RBFOX1: variants seen among roughly 807,000 people sequenced by gnomAD.
RBFOX1 encodes RNA binding protein fox-1 homolog 1.
A neutral mutation model predicts 57.7 loss-of-function variants in RBFOX1; 8 were observed. The ratio of observed to expected loss-of-function variants is 0.14; its 90% confidence interval spans 0.08 to 0.25. The LOEUF is 0.25. Among genes scored for constraint, RBFOX1 ranks in the 10% least tolerant of loss-of-function variants. The pLI, the probability that RBFOX1 is intolerant of heterozygous loss-of-function variation, is 1.00. For synonymous variants in RBFOX1, 326 were observed against 222.4 expected, an observed-to-expected ratio of 1.47 and a Z score of -4.15; for missense variants, 611 against 548.5, an observed-to-expected ratio of 1.11 and a Z score of -1.14.
intron 4 of RBFOX1, among the ~76,000 whole-genome samples, chr16:7,347,878 T>A (rs532640858): frequency 6.6e-6 from 1 of 152,234 alleles, no homozygotes; most frequent in East Asian, 1.9e-4. Flanking sequence ...GAGACAGGCG[T>A]CTTGCAGGGT....
At chr16:7,079,052 G>T (rs930920471) in intron 4 of RBFOX1, among the ~76,000 whole-genome samples, 1 of 151,532 alleles carries the variant, frequency 6.6e-6, no homozygotes, top group Admixed American at 6.6e-5. Context: ...GGGAAACATG[G>T]TTCAACTCAT....
intron 2 of RBFOX1, among the ~76,000 whole-genome samples, chr16:5,485,545 C>A (rs2069703975): frequency 6.6e-6 from 1 of 152,078 alleles, no homozygotes; most frequent in Non-Finnish European, 1.5e-5. Context: ...TGCCAAGTAC[C>A]ACAATTAGGG....
chr16:7,162,407 C>G (rs1401410225), intron 4 of RBFOX1, among the ~76,000 whole-genome samples: 1 of 151,900 alleles, frequency 6.6e-6, no homozygotes, highest in South Asian at 2.1e-4. Context: ...TTTTATGATG[C>G]TCCATTGTGC....
At chr16:7,413,729 G>A (rs1341274198) in intron 4 of RBFOX1, among the ~76,000 whole-genome samples, 2 of 152,030 alleles carry the variant, frequency 1.3e-5, no homozygotes, top group African/African-American at 2.4e-5. Context: ...ACAAGCAAAG[G>A]GGGTTACTTG....
intron 3 of RBFOX1, among the ~76,000 whole-genome samples, chr16:5,830,673 C>A (rs531658370): frequency 6.6e-6 from 1 of 152,310 alleles, no homozygotes; most frequent in South Asian, 2.1e-4. Context: ...CAGATCAAAT[C>A]ATGTCAGTGT....
chr16:6,341,072 A>C (rs374394901), intron 2 of RBFOX1, among the ~76,000 whole-genome samples: 1 of 152,296 alleles, frequency 6.6e-6, no homozygotes, highest in East Asian at 1.9e-4. Flanking sequence ...ATGCTGCATC[A>C]AATGATCACA....
At chr16:7,320,821 G>A (rs970023841) in intron 4 of RBFOX1, among the ~76,000 whole-genome samples, 9 of 152,152 alleles carry the variant, frequency 5.9e-5, no homozygotes, top group Non-Finnish European at 7.3e-5. Flanking sequence ...TAGAGCAACC[G>A]CACAACAACC....
intron 3 of RBFOX1, among the ~76,000 whole-genome samples, chr16:5,664,539 C>A (rs2049769234): frequency 6.6e-6 from 1 of 151,776 alleles, no homozygotes; most frequent in Non-Finnish European, 1.5e-5. Context: ...GAGCGAGACT[C>A]CTTCTTAAAA....
intron 1 of RBFOX1, among the ~76,000 whole-genome samples, chr16:5,345,497 T>C (rs1337762827): frequency 1.3e-5 from 2 of 152,232 alleles, no homozygotes; most frequent in Non-Finnish European, 2.9e-5. Context: ...AGGCAGATCT[T>C]AGCAGCCCCC....
At chr16:6,519,443 G>C (rs1233423767) in intron 2 of RBFOX1, among the ~76,000 whole-genome samples, 1 of 152,176 alleles carries the variant, frequency 6.6e-6, no homozygotes, top group African/African-American at 2.4e-5. Context: ...GCTCATGGCT[G>C]TAATCCCAGC....
chr16:5,953,097 C>T (rs1004939695), intron 4 of RBFOX1, among the ~76,000 whole-genome samples: 58 of 117,844 alleles, frequency 4.9e-4, no homozygotes, highest in African/African-American at 1.7e-3. Context: ...TCTGTAGATT[C>T]TGTGTCAATT....
At chr16:7,470,263 C>G (rs1337247954) in intron 4 of RBFOX1, among the ~76,000 whole-genome samples, 5 of 152,218 alleles carry the variant, frequency 3.3e-5, no homozygotes, top group Non-Finnish European at 7.3e-5. Context: ...TCACACTAGA[C>G]TTCCACATCC....
chr16:6,955,079 A>AC (rs559613172), intron 3 of RBFOX1, among the ~76,000 whole-genome samples: 23,914 of 140,098 alleles, frequency 0.17, 2,330 homozygotes, highest in East Asian at 0.29. Context: ...AAAAAAAAAA[A>AC]ACACACAAAA....
At chr16:7,511,347 A>G (rs888802351) in intron 4 of RBFOX1, among the ~76,000 whole-genome samples, 9 of 152,074 alleles carry the variant, frequency 5.9e-5, no homozygotes, top group African/African-American at 1.2e-4. Context: ...GAGAAGGGCA[A>G]TGTCTTGGGG....
At chr16:7,117,061 G>A (rs2066063207) in intron 4 of RBFOX1, among the ~76,000 whole-genome samples, 1 of 152,116 alleles carries the variant, frequency 6.6e-6, no homozygotes, top group South Asian at 2.1e-4. Context: ...TCAAACATCA[G>A]CTATAAATAC....
intron 3 of RBFOX1, among the ~76,000 whole-genome samples, chr16:6,918,406 C>G (rs992929839): frequency 3.3e-5 from 5 of 152,084 alleles, no homozygotes; most frequent in African/African-American, 1.2e-4. Context: ...CTGGGGCCCA[C>G]TAATATTTTT....
At position 7,097,098 on chromosome 16, in the gene RBFOX1, A is replaced by G. The variant is rs192436845; in HGVS notation, c.27+45000A>G. The stretch of plus-strand genomic sequence containing the variant: ...ATCATTTGCAAGGAGATCTAGGACA[A>G]AAACAAAAAATGTGCTTGGGAAATG... On this transcript the variant is annotated intron_variant, in intron 4 of 15. Transcript: ENST00000550418. Among the ~76,000 whole-genome samples the G allele has an allele frequency of 3.3e-5, 5 of 152,286 alleles. No individual in the cohort carries two copies. In the East Asian group the frequency reaches 9.6e-4, roughly 29 times the overall value.
chr16:6,988,639 C>G (rs888739937), intron 3 of RBFOX1, among the ~76,000 whole-genome samples: 1 of 151,584 alleles, frequency 6.6e-6, no homozygotes, highest in East Asian at 1.9e-4. Context: ...GTGGTGCGAT[C>G]TCGGCTCACT....
At chr16:6,265,782 C>G (rs981298941) in intron 1 of RBFOX1, among the ~76,000 whole-genome samples, 1 of 152,170 alleles carries the variant, frequency 6.6e-6, no homozygotes, top group African/African-American at 2.4e-5. Flanking sequence ...GAACCAACTA[C>G]TCTGAATTCT....
Sources: allele counts gnomAD v4.1 joint callset (sites outside exome capture counted in the v4.1 genomes callset), GRCh38; gene constraint gnomAD v4.1.1; transcripts MANE v1.5; gene names NCBI Gene and HGNC (gene_info 2026-07-23, HGNC 2026-07-21).